EBF1: variants seen among roughly 807,000 people sequenced by gnomAD.
The protein encoded by EBF1 is EBF transcription factor 1.
In EBF1, 10 loss-of-function variants were observed where a neutral mutation model predicts 68.4. That is an observed-to-expected ratio of 0.15 (90% CI 0.09 to 0.25). EBF1 has a LOEUF of 0.25. Ranked by LOEUF, EBF1 falls within the 10% of genes least tolerant of loss-of-function variation. The probability of loss-of-function intolerance (pLI) is 1.00; values close to 1 mark genes in which losing one functional copy is unlikely to be tolerated. For missense variants in EBF1, 509 were observed against 794.4 expected, an observed-to-expected ratio of 0.64 and a Z score of 4.32; for synonymous variants, 298 against 299.8, an observed-to-expected ratio of 0.99 and a Z score of 0.06.
chr5:158,805,174 A>G (rs1386282287), intron 8 of EBF1, among the ~76,000 whole-genome samples: 1 of 152,270 alleles, frequency 6.6e-6, no homozygotes, highest in East Asian at 1.9e-4. Flanking sequence ...TGAAAAGGGG[A>G]AACAATTTTC....
At chr5:159,099,184 G>A (rs1026023135) in intron 1 of EBF1, among the ~76,000 whole-genome samples, 161 bp downstream of exon 1, 1 of 152,146 alleles carries the variant, frequency 6.6e-6, no homozygotes, top group African/African-American at 2.4e-5. Flanking sequence ...AGGCAGAGCG[G>A]CTGGAGAGCG....
chr5:159,007,718 A>T (rs1266194533), intron 6 of EBF1, among the ~76,000 whole-genome samples: 1 of 152,232 alleles, frequency 6.6e-6, no homozygotes, highest in Non-Finnish European at 1.5e-5. Flanking sequence ...TGAAAGAAGC[A>T]TTCATACCTT....
At chr5:158,855,554 A>C (rs2128010958) in intron 6 of EBF1, among the ~76,000 whole-genome samples, 1 of 152,058 alleles carries the variant, frequency 6.6e-6, no homozygotes. Flanking sequence ...GTTCTCTCCC[A>C]CCCTTCAGGT....
chr5:159,081,354 TTATTA>T (rs1463961498), intron 5 of EBF1, among the ~76,000 whole-genome samples: 1 of 152,246 alleles, frequency 6.6e-6, no homozygotes, highest in Non-Finnish European at 1.5e-5. Flanking sequence ...TGTTCATCTC[TTATTA>T]TGTCTAATTT....
intron 6 of EBF1, among the ~76,000 whole-genome samples, chr5:158,996,345 C>T (rs1427157944): frequency 1.3e-5 from 2 of 152,122 alleles, no homozygotes; most frequent in Non-Finnish European, 2.9e-5. Context: ...GGCTTTGCTA[C>T]AATTTTCTCT....
At chr5:158,975,782 C>T (rs1317030106) in intron 6 of EBF1, among the ~76,000 whole-genome samples, 1 of 152,184 alleles carries the variant, frequency 6.6e-6, no homozygotes, top group Non-Finnish European at 1.5e-5. Context: ...ACACATTTTT[C>T]ACATTTTTAT....
chr5:158,883,351 T>C, intron 6 of EBF1, among the ~76,000 whole-genome samples: 1 of 22,858 alleles, frequency 4.4e-5, no homozygotes, highest in South Asian at 2.6e-3. Flanking sequence ...CATGCATGTA[T>C]ATATATATAT....
Position 159,053,605 on chromosome 5 carries a change from TCA to T in EBF1, c.554+19789_554+19790del, listed in dbSNP as rs3062333. Among the ~76,000 whole-genome samples, 1,456 of 145,754 alleles carry T rather than the reference TCA, an allele frequency of 1.0e-2. 18 individuals are homozygous for T. The highest frequency in any genetic ancestry group is 0.029 in the African/African-American group (1,148 of 39,044). On this transcript the variant is annotated intron_variant, in intron 6 of 15. Coordinates refer to ENST00000313708, the MANE Select transcript of EBF1 (RefSeq NM_024007.5). ...CCCTCTCTCCCTCTCTCTCTCTCTC[TCA>T]CACACACACACACACACACACACAC...
intron 6 of EBF1, among the ~76,000 whole-genome samples, chr5:158,894,559 C>T (rs774641432): frequency 4.6e-5 from 7 of 152,222 alleles, no homozygotes; most frequent in East Asian, 1.9e-4. Context: ...CAATTACTTG[C>T]GGCATGTAGA....
rs549032736 is a variant in EBF1, at chr5:159,095,507, C to G, written c.411+113G>C. 41 of 1,271,034 alleles carry G rather than the reference C, an allele frequency of 3.2e-5. 1 individual carries two copies. In the Admixed American group the frequency reaches 7.1e-4, roughly 22 times the overall value. 78.7% of individuals were successfully genotyped at this position (1,271,034 alleles called of 1,614,324 possible). A position where few individuals can be genotyped will look rare whatever the true frequency, so the allele number is the denominator to read the frequency against. On this transcript the variant is annotated intron_variant, in intron 4 of 15. Coordinates refer to ENST00000313708, the MANE Select transcript of EBF1 (RefSeq NM_024007.5). ...GTGCAAGTTTGGTCTGAGCCGCCCC[C>G]GCTGGCTTTTAGAGTTAGAGTCCCA...
chr5:158,824,089 G>A (rs751978875), intron 7 of EBF1, among the ~76,000 whole-genome samples: 1 of 152,108 alleles, frequency 6.6e-6, no homozygotes, highest in Non-Finnish European at 1.5e-5. Context: ...AATGACCTAC[G>A]CTTCTCCTTA....
intron 6 of EBF1, among the ~76,000 whole-genome samples, chr5:159,043,055 T>C (rs17717829): frequency 0.36 from 54,818 of 151,994 alleles, 11,036 homozygotes; most frequent in Non-Finnish European, 0.45. Context: ...TACTGTCTAA[T>C]TGAATCAGGT....
intron 8 of EBF1, among the ~76,000 whole-genome samples, chr5:158,799,420 T>A (rs1780178952): frequency 1.2e-5 from 1 of 81,714 alleles, no homozygotes; most frequent in Non-Finnish European, 3.1e-5. Context: ...TCTCTTAAAA[T>A]AAATAAATAA....
chr5:158,803,944 GTGTGTC>G (rs1308880674), intron 8 of EBF1, among the ~76,000 whole-genome samples: 82 of 116,898 alleles, frequency 7.0e-4, no homozygotes, highest in Middle Eastern at 3.9e-3. Flanking sequence ...AGAGTCGTGT[GTGTGTC>G]TGTGTGTGTG....
chr5:159,066,484 C>T (rs1776820391), intron 6 of EBF1, among the ~76,000 whole-genome samples: 1 of 152,086 alleles, frequency 6.6e-6, no homozygotes, highest in African/African-American at 2.4e-5. Context: ...ATAGATGGAA[C>T]GCCAATGGCC....
Position 159,029,593 on chromosome 5 carries a change from C to A in EBF1, c.554+43803G>T, listed in dbSNP as rs192659794. On this transcript the variant is annotated intron_variant, in intron 6 of 15. Transcript: ENST00000313708. ...AAATTCAGATTCTGTTTCAAGTTTA[C>A]TTGAAAAAGAAGTTCTAATAATTTT... is the stretch of plus-strand genomic sequence containing the variant. Among the ~76,000 whole-genome samples, 45 of 152,220 alleles carry A rather than the reference C, an allele frequency of 3.0e-4. No individual in the cohort carries two copies. The East Asian group carries it at 8.7e-3, about 29-fold the overall frequency.
chr5:158,793,795 A>T (rs538873734), intron 9 of EBF1, among the ~76,000 whole-genome samples: 2 of 152,294 alleles, frequency 1.3e-5, no homozygotes, highest in African/African-American at 4.8e-5. Flanking sequence ...CATTCCCACC[A>T]TTATACAATG....
At chr5:158,785,655 C>T (rs1454697108) in intron 9 of EBF1, among the ~76,000 whole-genome samples, 2 of 152,112 alleles carry the variant, frequency 1.3e-5, no homozygotes, top group Non-Finnish European at 2.9e-5. Context: ...TAACTTTAAA[C>T]CGATGTTTAC....
At chr5:158,863,900 CAG>C (rs973991810) in intron 6 of EBF1, among the ~76,000 whole-genome samples, 68 of 152,176 alleles carry the variant, frequency 4.5e-4, no homozygotes, top group African/African-American at 1.6e-3. Flanking sequence ...GCAGCAGATG[CAG>C]AGACTCCTCA....
Sources: allele counts gnomAD v4.1 joint callset (sites outside exome capture counted in the v4.1 genomes callset), GRCh38; gene constraint gnomAD v4.1.1; transcripts MANE v1.5; gene names NCBI Gene and HGNC (gene_info 2026-07-23, HGNC 2026-07-21).